The following LHFPL2 variants were observed in gnomAD, a reference collection of about 807,000 sequenced individuals.
LHFPL2 encodes LHFPL tetraspan subfamily member 2, also known as LHFPL tetraspan subfamily member 2 protein.
A neutral mutation model predicts 17.5 loss-of-function variants in LHFPL2; 7 were observed. That is an observed-to-expected ratio of 0.40 (90% CI 0.23 to 0.75). The LOEUF (loss-of-function observed/expected upper bound fraction) is 0.75. Among genes scored for constraint, LHFPL2 ranks in the 30% least tolerant of loss-of-function variants. The pLI, the probability that LHFPL2 is intolerant of heterozygous loss-of-function variation, is 0.37. For missense variants in LHFPL2, 241 were observed against 294.8 expected, an observed-to-expected ratio of 0.82 and a Z score of 1.34; for synonymous variants, 134 against 116.2, an observed-to-expected ratio of 1.15 and a Z score of -0.99.
chr5:78,609,097 A>G (rs1463964734), intron 2 of LHFPL2, among the ~76,000 whole-genome samples: 1 of 152,156 alleles, frequency 6.6e-6, no homozygotes, highest in Admixed American at 6.5e-5. Flanking sequence ...TCCACTTACT[A>G]TCATATAATT....
At chr5:78,565,482 T>C (rs926454675) in intron 2 of LHFPL2, among the ~76,000 whole-genome samples, 7 of 152,216 alleles carry the variant, frequency 4.6e-5, no homozygotes, top group African/African-American at 1.4e-4. Flanking sequence ...TCAAAGTCTT[T>C]AGGGAACCTT....
intron 2 of LHFPL2, among the ~76,000 whole-genome samples, chr5:78,580,954 C>T (rs1485391912): frequency 1.2e-4 from 19 of 152,178 alleles, no homozygotes; most frequent in Non-Finnish European, 2.2e-4. Flanking sequence ...GCCATTTTCA[C>T]GATATTGATT....
intron 2 of LHFPL2, among the ~76,000 whole-genome samples, chr5:78,578,833 G>A (rs963239496): frequency 6.6e-6 from 1 of 152,212 alleles, no homozygotes; most frequent in African/African-American, 2.4e-5. Flanking sequence ...TCAGTAGAAT[G>A]TTTGTTCCCA....
intron 2 of LHFPL2, among the ~76,000 whole-genome samples, chr5:78,614,552 G>T (rs1430837371): frequency 2.0e-5 from 3 of 152,094 alleles, no homozygotes; most frequent in Admixed American, 2.0e-4. Flanking sequence ...ATTACTACAT[G>T]CCAGACTCTA....
intron 3 of LHFPL2, among the ~76,000 whole-genome samples, chr5:78,541,864 T>C (rs1177551748): frequency 6.6e-6 from 1 of 152,226 alleles, no homozygotes; most frequent in Non-Finnish European, 1.5e-5. Flanking sequence ...GCCGCTAGCT[T>C]GTGCCCACCT....
At chr5:78,639,160 T>C (rs1745571675) in intron 1 of LHFPL2, among the ~76,000 whole-genome samples, 1 of 151,904 alleles carries the variant, frequency 6.6e-6, no homozygotes, top group Admixed American at 6.6e-5. Flanking sequence ...TCTCACACCT[T>C]CCCACCACCA....
intron 2 of LHFPL2, among the ~76,000 whole-genome samples, chr5:78,565,099 G>T (rs1756825003): frequency 6.6e-6 from 1 of 152,136 alleles, no homozygotes; most frequent in African/African-American, 2.4e-5. Context: ...AAGGCCAGGG[G>T]GGAATGTCCA....
chr5:78,631,859 C>T (rs1348160119), intron 2 of LHFPL2, among the ~76,000 whole-genome samples: 1 of 149,828 alleles, frequency 6.7e-6, no homozygotes, highest in Non-Finnish European at 1.5e-5. Flanking sequence ...TGGCTTGATC[C>T]TGGGAGATGG....
In LHFPL2 at chr5:78,600,272, T is replaced by A. The variant is rs372086383; in HGVS notation, c.-245+31992A>T. Among the ~76,000 whole-genome samples, 7 of 151,894 alleles carry A rather than the reference T, an allele frequency of 4.6e-5. No individual in the cohort carries two copies. In the East Asian group the frequency reaches 1.2e-3, roughly 25 times the overall value. ...TTCTAACAAAAGCTCTGTTATTTCA[T>A]GTTATTCTCCCCATAGATGGCCACA... On this transcript the variant is annotated intron_variant, in intron 2 of 4. Transcript: ENST00000380345.
chr5:78,566,494 C>T (rs1213746394), intron 2 of LHFPL2, among the ~76,000 whole-genome samples: 2 of 151,130 alleles, frequency 1.3e-5, no homozygotes, highest in Admixed American at 6.6e-5. Context: ...GACAGAGTCT[C>T]CCTCTGTCAC....
chr5:78,523,322 T>A (rs1349910696), intron 3 of LHFPL2, among the ~76,000 whole-genome samples: 1 of 152,198 alleles, frequency 6.6e-6, no homozygotes, highest in Non-Finnish European at 1.5e-5. Context: ...CTTTTTATAA[T>A]GGTTTACGAG....
chr5:78,586,532 C>T (rs1743408858), intron 2 of LHFPL2, among the ~76,000 whole-genome samples: 1 of 152,184 alleles, frequency 6.6e-6, no homozygotes, highest in Non-Finnish European at 1.5e-5. Flanking sequence ...TTCCTCTGCC[C>T]TTTGTCTCAG....
intron 3 of LHFPL2, among the ~76,000 whole-genome samples, chr5:78,527,065 T>A (rs1309231293): frequency 6.6e-6 from 1 of 152,238 alleles, no homozygotes; most frequent in Non-Finnish European, 1.5e-5. Flanking sequence ...GAATGTTAAA[T>A]TCGCTTTGTC....
rs557586323 is a variant in LHFPL2 at position 78,591,416 on chromosome 5, C to T, written c.-244-26545G>A. 1.1e-4 allele frequency among the ~76,000 whole-genome samples: 16 copies of T among 152,264 alleles called. No homozygotes were observed. In the South Asian group the frequency reaches 2.3e-3, roughly 22 times the overall value. On this transcript the variant is annotated intron_variant, in intron 2 of 4. Transcript: ENST00000380345. ...AATGAGTCACTAAACAAAAGGCTTA[C>T]TAAAATGTTTACCTCTGAGAATAAA... is the stretch of plus-strand genomic sequence containing the variant.
intron 2 of LHFPL2, among the ~76,000 whole-genome samples, chr5:78,576,203 G>C: frequency 6.6e-6 from 1 of 152,094 alleles, no homozygotes. Flanking sequence ...GCTGAGGCAG[G>C]AGAATGGCGT....
intron 4 of LHFPL2, among the ~76,000 whole-genome samples, chr5:78,508,273 C>T (rs1754995818): frequency 6.6e-6 from 1 of 152,166 alleles, no homozygotes; most frequent in African/African-American, 2.4e-5. Context: ...TAATGAGGAG[C>T]AATGCTGAAA....
chr5:78,618,821 T>C (rs1204432572), intron 2 of LHFPL2, among the ~76,000 whole-genome samples: 2 of 152,142 alleles, frequency 1.3e-5, no homozygotes, highest in Non-Finnish European at 1.5e-5. Context: ...GACTTGAACA[T>C]ACACATTGAA....
chr5:78,590,722 G>A (rs540084451), intron 2 of LHFPL2, among the ~76,000 whole-genome samples: 54 of 152,280 alleles, frequency 3.5e-4, no homozygotes, highest in Non-Finnish European at 3.8e-4. Context: ...ACAGTCATAC[G>A]AAACCTAGAA....
intron 2 of LHFPL2, among the ~76,000 whole-genome samples, chr5:78,619,581 A>T (rs183010929): frequency 0.013 from 1,841 of 145,084 alleles, 17 homozygotes; most frequent in Non-Finnish European, 0.022. Context: ...TACATGTGCC[A>T]TGCTGGTGTG....
Sources: gnomAD v4.1 joint callset for allele counts (sites outside exome capture counted in the v4.1 genomes callset) on GRCh38, gnomAD v4.1.1 for gene constraint, MANE v1.5 for transcripts, NCBI Gene and HGNC (gene_info 2026-07-23, HGNC 2026-07-21) for gene names.